NLGN1: variants seen among roughly 807,000 people sequenced by gnomAD.
NLGN1 encodes the protein neuroligin 1, also known as neuroligin-1.
A neutral mutation model predicts 65.5 loss-of-function variants in NLGN1; 12 were observed. That is an observed-to-expected ratio of 0.18 (90% CI 0.12 to 0.30). The LOEUF is 0.30. Ranked by LOEUF, NLGN1 falls within the 10% of genes least tolerant of loss-of-function variation. The probability of loss-of-function intolerance (pLI) is 1.00; values close to 1 mark genes in which losing one functional copy is unlikely to be tolerated. For missense variants in NLGN1, 750 were observed against 1,007.1 expected (o/e 0.74, Z 3.46); for synonymous variants, 350 against 359.5 (o/e 0.97, Z 0.30).
chr3:173,581,407 T>C (rs1746373908), intron 2 of NLGN1, among the ~76,000 whole-genome samples: 1 of 152,114 alleles, frequency 6.6e-6, no homozygotes, highest in Non-Finnish European at 1.5e-5. Flanking sequence ...AGCTTATGGC[T>C]ACTCTGGCTT....
At chr3:173,954,974 G>A (rs1205172971) in intron 4 of NLGN1, among the ~76,000 whole-genome samples, 1 of 151,934 alleles carries the variant, frequency 6.6e-6, no homozygotes, top group African/African-American at 2.4e-5. Context: ...TCAGTCTAGG[G>A]CCAGGTAGTA....
exon 7 of NLGN1, chr3:174,281,959 A>C (rs1751589629): frequency 6.6e-6 from 1 of 152,326 alleles, no homozygotes; most frequent in Non-Finnish European, 1.5e-5. Flanking sequence ...GCTGCTGATT[A>C]AGCCGTAATT....
intron 4 of NLGN1, among the ~76,000 whole-genome samples, chr3:174,023,563 G>T (rs1203486528): frequency 6.6e-6 from 1 of 152,154 alleles, no homozygotes; most frequent in African/African-American, 2.4e-5. Flanking sequence ...TCATCTCAGT[G>T]TGGGGAGGCA....
intron 3 of NLGN1, among the ~76,000 whole-genome samples, chr3:173,628,905 G>T (rs949249275): frequency 2.6e-5 from 4 of 151,890 alleles, no homozygotes; most frequent in Admixed American, 6.6e-5. Context: ...TGTTGGCCAG[G>T]CTGGTCTCGA....
intron 4 of NLGN1, among the ~76,000 whole-genome samples, chr3:174,010,364 G>T (rs935286999): frequency 1.3e-5 from 2 of 152,108 alleles, no homozygotes; most frequent in Non-Finnish European, 2.9e-5. Flanking sequence ...TAAAGGGACA[G>T]TCCTTTCAAC....
At chr3:174,100,801 A>G (rs1460695671) in intron 4 of NLGN1, among the ~76,000 whole-genome samples, 1 of 152,048 alleles carries the variant, frequency 6.6e-6, no homozygotes, top group African/African-American at 2.4e-5. Flanking sequence ...CCTTCTAAGT[A>G]AAGTGACCAT....
chr3:173,688,174 C>G (rs1327501256), intron 3 of NLGN1, among the ~76,000 whole-genome samples: 1 of 152,184 alleles, frequency 6.6e-6, no homozygotes, highest in Non-Finnish European at 1.5e-5. Context: ...GCATGTTCTT[C>G]CTACTTGTGA....
At chr3:173,439,532 CAAA>C (rs200232920) in intron 2 of NLGN1, among the ~76,000 whole-genome samples, 1 of 122,884 alleles carries the variant, frequency 8.1e-6, no homozygotes. Flanking sequence ...CATTCACCTG[CAAA>C]AAAAAAAAAA....
intron 2 of NLGN1, among the ~76,000 whole-genome samples, chr3:173,544,389 A>G (rs966969697): frequency 9.2e-5 from 14 of 151,952 alleles, no homozygotes; most frequent in African/African-American, 3.4e-4. Context: ...GGATGTGGCA[A>G]TCATGACAGA....
intron 4 of NLGN1, among the ~76,000 whole-genome samples, chr3:174,033,449 A>G (rs976745749): frequency 1.3e-5 from 2 of 152,176 alleles, no homozygotes; most frequent in African/African-American, 4.8e-5. Flanking sequence ...AAGAGAAAAG[A>G]AAAGAGGTAA....
intron 4 of NLGN1, among the ~76,000 whole-genome samples, chr3:173,905,891 A>T (rs1738278865): frequency 6.6e-6 from 1 of 152,214 alleles, no homozygotes; most frequent in African/African-American, 2.4e-5. Flanking sequence ...CCTGAAATTT[A>T]ATCACGGGGG....
intron 4 of NLGN1, among the ~76,000 whole-genome samples, chr3:173,989,862 C>T (rs1170993009): frequency 6.6e-6 from 1 of 152,134 alleles, no homozygotes; most frequent in Non-Finnish European, 1.5e-5. Flanking sequence ...GGCCAAAAGC[C>T]TCTCTCATCT....
At position 173,825,309 on chromosome 3, in the gene NLGN1, C is replaced by T. The variant is rs938400749; in HGVS notation, c.646+17477C>T. On this transcript the variant is annotated intron_variant, in intron 4 of 6. Transcript: ENST00000457714. ...TTTAAAAGTAAATTTAAAGTTGGAC[C>T]ATTTATTTTCAAGTGGCATGGCAAT... is the stretch of plus-strand genomic sequence containing the variant. Among the ~76,000 whole-genome samples, 9 of 151,774 alleles carry T rather than the reference C, an allele frequency of 5.9e-5. 1 individual carries two copies. The East Asian group carries it at 1.6e-3, about 26-fold the overall frequency.
intron 3 of NLGN1, among the ~76,000 whole-genome samples, chr3:173,731,804 G>T (rs773956979): frequency 1.2e-4 from 19 of 152,010 alleles, no homozygotes; most frequent in Non-Finnish European, 2.6e-4. Flanking sequence ...TGTGCAAAAT[G>T]AGATGGATTT....
chr3:174,017,629 A>G (rs1726858842), intron 4 of NLGN1, among the ~76,000 whole-genome samples: 2 of 152,180 alleles, frequency 1.3e-5, no homozygotes, highest in Non-Finnish European at 2.9e-5. Flanking sequence ...GAGAAATTTT[A>G]AAGCTGGGTT....
chr3:174,199,667 G>C (rs562418464), intron 4 of NLGN1, among the ~76,000 whole-genome samples: 2 of 152,200 alleles, frequency 1.3e-5, no homozygotes, highest in South Asian at 2.1e-4. Context: ...GCTCCGAAAG[G>C]CTCAGGGAAA....
intron 3 of NLGN1, among the ~76,000 whole-genome samples, chr3:173,757,164 C>G (rs1192260740): frequency 6.6e-6 from 1 of 151,840 alleles, no homozygotes; most frequent in African/African-American, 2.4e-5. Context: ...TCTAGTGATA[C>G]CACCTATAAC....
intron 4 of NLGN1, among the ~76,000 whole-genome samples, chr3:174,033,774 T>G (rs1730536486): frequency 6.6e-6 from 1 of 151,998 alleles, no homozygotes; most frequent in Non-Finnish European, 1.5e-5. Context: ...AAAGAGAATT[T>G]AAAAAGCAAA....
intron 3 of NLGN1, among the ~76,000 whole-genome samples, chr3:173,718,628 A>G (rs905588813): frequency 3.3e-5 from 5 of 152,214 alleles, no homozygotes; most frequent in African/African-American, 1.2e-4. Context: ...GACTGACTAA[A>G]AAATGCAACA....
Sources: allele counts gnomAD v4.1 joint callset (sites outside exome capture counted in the v4.1 genomes callset), GRCh38; gene constraint gnomAD v4.1.1; transcripts MANE v1.5; gene names NCBI Gene and HGNC (gene_info 2026-07-23, HGNC 2026-07-21).